The following ACTR3B variants were observed in gnomAD, a reference collection of about 807,000 sequenced individuals.
The protein encoded by ACTR3B is actin related protein 3B.
A neutral mutation model predicts 59.0 loss-of-function variants in ACTR3B; 8 were observed. The observed-to-expected ratio is 0.14, with a 90% CI of 0.08 to 0.24. The LOEUF is 0.24. ACTR3B is among the 10% of genes least tolerant of loss of function. ACTR3B has a pLI of 1.00. For missense variants in ACTR3B, 245 were observed against 552.3 expected, an observed-to-expected ratio of 0.44 and a Z score of 5.58; for synonymous variants, 148 against 197.9, an observed-to-expected ratio of 0.75 and a Z score of 2.12.
chr7:152,822,124 A>G (rs1796217173), intron 7 of ACTR3B, among the ~76,000 whole-genome samples: 1 of 152,252 alleles, frequency 6.6e-6, no homozygotes, highest in African/African-American at 2.4e-5. Context: ...TCATCAAAGA[A>G]CACAGGGTTG....
intron 2 of ACTR3B, among the ~76,000 whole-genome samples, chr7:152,791,487 A>G (rs1254592723): frequency 6.6e-6 from 1 of 152,264 alleles, no homozygotes; most frequent in African/African-American, 2.4e-5. Flanking sequence ...CACTTTTCCT[A>G]TTTTGCCCCC....
intron 1 of ACTR3B, among the ~76,000 whole-genome samples, chr7:152,778,697 T>C (rs1448864899): frequency 1.3e-5 from 2 of 151,498 alleles, no homozygotes; most frequent in South Asian, 4.2e-4. Context: ...CCTAGCACTT[T>C]GGGAGGCCAA....
chr7:152,852,851 G>A (rs1408939396), intron 10 of ACTR3B, among the ~76,000 whole-genome samples: 1 of 152,034 alleles, frequency 6.6e-6, no homozygotes, highest in Non-Finnish European at 1.5e-5. Context: ...GAGTGCAGTG[G>A]TGAGATCTCG....
intron 1 of ACTR3B, among the ~76,000 whole-genome samples, chr7:152,770,558 G>A (rs1380768205): frequency 2.0e-5 from 3 of 151,930 alleles, no homozygotes; most frequent in East Asian, 1.9e-4. Flanking sequence ...ATCTGATCAG[G>A]AATTGCTAAT....
chr7:152,784,831 A>G (rs2098166336), intron 2 of ACTR3B, among the ~76,000 whole-genome samples: 1 of 151,784 alleles, frequency 6.6e-6, no homozygotes, highest in African/African-American at 2.4e-5. Context: ...CACCACTCTT[A>G]TTGATGGGGA....
At chr7:152,817,276 G>A (rs537336500) in intron 6 of ACTR3B, among the ~76,000 whole-genome samples, 1 of 152,070 alleles carries the variant, frequency 6.6e-6, no homozygotes, top group African/African-American at 2.4e-5. Context: ...AGCTACCTGG[G>A]AGGCTGAGGC....
At chr7:152,822,175 A>G (rs1333757099) in intron 7 of ACTR3B, among the ~76,000 whole-genome samples, 2 of 152,216 alleles carry the variant, frequency 1.3e-5, no homozygotes, top group East Asian at 3.8e-4. Flanking sequence ...AAATTCCGCT[A>G]GAGTATATCC....
intron 2 of ACTR3B, among the ~76,000 whole-genome samples, chr7:152,795,331 G>A (rs2116700368): frequency 6.6e-6 from 1 of 152,348 alleles, no homozygotes; most frequent in South Asian, 2.1e-4. Flanking sequence ...ACAGGCGTGA[G>A]CCACTGCTCC....
At chr7:152,843,685 C>G (rs1032175866) in intron 9 of ACTR3B, among the ~76,000 whole-genome samples, 1 of 152,124 alleles carries the variant, frequency 6.6e-6, no homozygotes, top group Admixed American at 6.5e-5. Flanking sequence ...CACAGTCTTA[C>G]CCTGCACTGG....
intron 9 of ACTR3B, among the ~76,000 whole-genome samples, chr7:152,845,176 A>G (rs1339816137): frequency 1.3e-5 from 2 of 151,410 alleles, no homozygotes; most frequent in Non-Finnish European, 2.9e-5. Context: ...ACATTTATAT[A>G]CAGTATATGC....
chr7:152,759,982 G>T, intron 1 of ACTR3B, 56 bp downstream of exon 1: 1 of 1,287,928 alleles, frequency 7.8e-7, no homozygotes, highest in Non-Finnish European at 9.9e-7. Context: ...CCCGGCCCCT[G>T]GCGTCCACCT....
intron 1 of ACTR3B, among the ~76,000 whole-genome samples, chr7:152,766,891 A>G (rs2098112164): frequency 1.3e-5 from 2 of 151,910 alleles, no homozygotes; most frequent in African/African-American, 4.8e-5. Flanking sequence ...GGTTCAAGCG[A>G]TTCTCCTGCT....
chr7:152,828,255 T>C (rs1395823542), intron 9 of ACTR3B, among the ~76,000 whole-genome samples: 2 of 151,618 alleles, frequency 1.3e-5, no homozygotes, highest in Non-Finnish European at 3.0e-5. Context: ...TAGGAAAGAC[T>C]GTGGAAGAGT....
At chr7:152,848,085 G>GAAT (rs141990702) in intron 9 of ACTR3B, among the ~76,000 whole-genome samples, 2,267 of 152,338 alleles carry the variant, frequency 0.015, 52 homozygotes, top group African/African-American at 0.052. Context: ...TTATCCTTCA[G>GAAT]AATAACAATA....
At chr7:152,850,826 C>G (rs1798746495) in intron 9 of ACTR3B, among the ~76,000 whole-genome samples, 2 of 152,198 alleles carry the variant, frequency 1.3e-5, no homozygotes, top group Non-Finnish European at 2.9e-5. Context: ...GAGGGACTCA[C>G]TGTTCACACA....
At chr7:152,822,475 G>A (rs559722609) in intron 7 of ACTR3B, among the ~76,000 whole-genome samples, 4 of 152,230 alleles carry the variant, frequency 2.6e-5, no homozygotes, top group South Asian at 2.1e-4. Context: ...GCTGCCTGTC[G>A]GTGCAGGGCG....
chr7:152,833,457 G>A (rs1251322027), intron 9 of ACTR3B, among the ~76,000 whole-genome samples: 1 of 152,154 alleles, frequency 6.6e-6, no homozygotes, highest in Non-Finnish European at 1.5e-5. Context: ...AAGAGCAGGG[G>A]CTTCTAATAG....
chr7:152,777,358 A>G (rs2098138580), intron 1 of ACTR3B, among the ~76,000 whole-genome samples: 1 of 152,218 alleles, frequency 6.6e-6, no homozygotes, highest in Non-Finnish European at 1.5e-5. Flanking sequence ...GTGTAAGATT[A>G]AGGCATGTCT....
At chr7:152,809,774 C>A (rs145365354) in intron 4 of ACTR3B, among the ~76,000 whole-genome samples, 3,835 of 152,172 alleles carry the variant, frequency 0.025, 162 homozygotes, top group African/African-American at 0.085. Flanking sequence ...AACTCCTGAC[C>A]TCATGATCCG....
Sources: allele counts gnomAD v4.1 joint callset (sites outside exome capture counted in the v4.1 genomes callset), GRCh38; gene constraint gnomAD v4.1.1; transcripts MANE v1.5; gene names NCBI Gene and HGNC (gene_info 2026-07-23, HGNC 2026-07-21).